PHKA1: variants seen among roughly 807,000 people sequenced by gnomAD.
PHKA1 encodes the protein phosphorylase kinase regulatory subunit alpha 1, also known as phosphorylase b kinase regulatory subunit alpha, skeletal muscle isoform.
In PHKA1, 60 loss-of-function variants were observed where a neutral mutation model predicts 110.2. That is an observed-to-expected ratio of 0.54 (90% confidence interval 0.44 to 0.68). The LOEUF (loss-of-function observed/expected upper bound fraction) is 0.68, where lower values mean the gene tolerates loss of function less well. PHKA1 is among the 30% of genes least tolerant of loss of function. The pLI is 0.00. For missense variants in PHKA1, 801 were observed against 942.5 expected, an observed-to-expected ratio of 0.85 and a Z score of 1.97; for synonymous variants, 316 against 333.6, an observed-to-expected ratio of 0.95 and a Z score of 0.58.
intron 21 of PHKA1, among the ~76,000 whole-genome samples, chrX:72,613,203 T>C (rs2052838715): frequency 8.9e-6 from 1 of 111,881 alleles, no homozygotes. Flanking sequence ...TGATTTGTTA[T>C]GAAGCAATAG....
chrX:72,597,417 G>C (rs2052605229), intron 28 of PHKA1, among the ~76,000 whole-genome samples: 1 of 111,716 alleles, frequency 9.0e-6, no homozygotes, highest in Non-Finnish European at 1.9e-5. Context: ...TCCTTGGTTG[G>C]CAATGACATC....
At chrX:72,582,793 T>C (rs1486209585) in intron 30 of PHKA1, among the ~76,000 whole-genome samples, 195 bp from the exon 31 acceptor site, 1 of 111,844 alleles carries the variant, frequency 8.9e-6, no homozygotes, top group East Asian at 2.8e-4. Flanking sequence ...TATAAGAGTG[T>C]CCATGCCCTC....
chrX:72,655,847 C>A (rs2053489826), intron 10 of PHKA1, among the ~76,000 whole-genome samples: 1 of 112,204 alleles, frequency 8.9e-6, no homozygotes, highest in South Asian at 3.7e-4. Flanking sequence ...GTCTTGATCT[C>A]CTGACCTCGT....
intron 29 of PHKA1, among the ~76,000 whole-genome samples, chrX:72,592,181 C>T (rs1556226381): frequency 8.9e-6 from 1 of 112,436 alleles, no homozygotes; most frequent in East Asian, 2.8e-4. Flanking sequence ...ATATTTGTCA[C>T]CATTGTGCTA....
At chrX:72,645,194 C>T (rs1233013421) in intron 13 of PHKA1, among the ~76,000 whole-genome samples, 1 of 111,635 alleles carries the variant, frequency 9.0e-6, no homozygotes, top group South Asian at 3.8e-4. Flanking sequence ...TTCACTTTCG[C>T]TATATGGAAC....
intron 29 of PHKA1, among the ~76,000 whole-genome samples, chrX:72,587,092 A>T (rs2052443632): frequency 9.0e-6 from 1 of 110,715 alleles, no homozygotes; most frequent in South Asian, 3.9e-4. Flanking sequence ...CAACACAAAG[A>T]TACTTCTCAA....
chrX:72,713,732 C>T, intron 1 of PHKA1, 71 bp downstream of exon 1: 2 of 841,274 alleles, frequency 2.4e-6, no homozygotes, highest in South Asian at 4.1e-5. Context: ...GGAGTTCATC[C>T]AAGGTCTCCG....
chrX:72,603,644 C>G (rs1439966086), intron 25 of PHKA1, among the ~76,000 whole-genome samples: 1 of 111,097 alleles, frequency 9.0e-6, no homozygotes, highest in Admixed American at 9.6e-5. Flanking sequence ...GATTTGAATC[C>G]ATGAAATTAT....
rs186287746 is a variant in PHKA1, at chrX:72,640,767, C to G, written c.1459+3595G>C. Among the ~76,000 whole-genome samples the G allele has an allele frequency of 1.8e-3, 196 of 111,417 alleles. 1 individual carries two copies. Among genetic ancestry groups the G allele is most frequent in the African/African-American group, 5.8e-3 (178 of 30,772 alleles). ...TTTGGAGAGAACCAGAATAGCATAC[C>G]TATTCAGATAGAATTAGGAGATAAA... is the stretch of plus-strand genomic sequence containing the variant. On this transcript the variant is annotated intron_variant, in intron 14 of 31. Transcript: ENST00000373542.
chrX:72,675,512 AAATC>A (rs1430389566), intron 6 of PHKA1, among the ~76,000 whole-genome samples: 6 of 111,618 alleles, frequency 5.4e-5, no homozygotes, highest in African/African-American at 2.0e-4. Flanking sequence ...AGGACAGACT[AAATC>A]ATGCATATTT....
intron 5 of PHKA1, among the ~76,000 whole-genome samples, chrX:72,683,928 C>T (rs2053939603): frequency 8.9e-6 from 1 of 111,803 alleles, no homozygotes; most frequent in South Asian, 3.7e-4. Flanking sequence ...CTTCAATGAA[C>T]AACAAAGAAA....
chrX:72,635,040 C>T, intron 16 of PHKA1, 115 bp downstream of exon 16: 1 of 958,991 alleles, frequency 1.0e-6, no homozygotes, highest in Non-Finnish European at 1.5e-6. Flanking sequence ...CCAATAAATA[C>T]TGCTGAAAGA....
chrX:72,679,659 G>T (rs1316765454), intron 5 of PHKA1, among the ~76,000 whole-genome samples: 4 of 111,059 alleles, frequency 3.6e-5, no homozygotes, highest in Non-Finnish European at 7.5e-5. Context: ...AAAATACATT[G>T]GGTGGGATTA....
intron 14 of PHKA1, among the ~76,000 whole-genome samples, chrX:72,638,062 A>G (rs1165075579): frequency 9.0e-6 from 1 of 111,664 alleles, no homozygotes; most frequent in African/African-American, 3.3e-5. Context: ...TAAAAATGTA[A>G]CTGACTTTTG....
chrX:72,611,209 A>T (rs781844855), intron 21 of PHKA1, 25 bp from the exon 22 acceptor site: 1 of 1,159,657 alleles, frequency 8.6e-7, no homozygotes, highest in African/African-American at 1.8e-5. Context: ...ACAGGACTAC[A>T]TCAGTTTTAA....
intron 28 of PHKA1, among the ~76,000 whole-genome samples, chrX:72,594,012 A>C (rs923848317): frequency 2.7e-5 from 3 of 111,653 alleles, no homozygotes; most frequent in Non-Finnish European, 1.9e-5. Flanking sequence ...AAATAAATTA[A>C]GGAAATTTAC....
chrX:72,695,585 A>T, intron 4 of PHKA1, 123 bp downstream of exon 4: 1 of 658,389 alleles, frequency 1.5e-6, no homozygotes, highest in East Asian at 3.6e-5. Context: ...TTAATAAATA[A>T]TAAAAAATAC....
At position 72,621,335 on chromosome X, in the gene PHKA1, C is replaced by T. The variant is rs782208586; in HGVS notation, c.1961-434G>A. Among the ~76,000 whole-genome samples, 8 of 111,375 alleles carry T rather than the reference C, an allele frequency of 7.2e-5. No homozygotes were observed. In the South Asian group the frequency reaches 3.1e-3, roughly 43 times the overall value. On this transcript the variant is annotated intron_variant, in intron 18 of 31. Transcript: ENST00000373542. ...GAAAGGGCAAAAATCTTCTTAGTCA[C>T]CTCGTTTGTTTACTCAGCAAATATT... is the stretch of plus-strand genomic sequence containing the variant.
intron 3 of PHKA1, among the ~76,000 whole-genome samples, chrX:72,701,517 G>A (rs782808389): frequency 7.2e-5 from 8 of 111,592 alleles, no homozygotes; most frequent in South Asian, 3.8e-4. Context: ...TCAGGAGTTC[G>A]AGACCAGCCT....
Sources: gnomAD v4.1 joint callset for allele counts (sites outside exome capture counted in the v4.1 genomes callset) on GRCh38, gnomAD v4.1.1 for gene constraint, MANE v1.5 for transcripts, NCBI Gene and HGNC (gene_info 2026-07-23, HGNC 2026-07-21) for gene names.